ADAMTSL1: variants seen among roughly 807,000 people sequenced by gnomAD.
The protein encoded by ADAMTSL1 is ADAMTS-like protein 1.
A neutral mutation model predicts 201.8 loss-of-function variants in ADAMTSL1; 126 were observed. The ratio of observed to expected loss-of-function variants is 0.62; its 90% CI spans 0.54 to 0.72. The LOEUF (loss-of-function observed/expected upper bound fraction) is 0.72, where lower values mean the gene tolerates loss of function less well. Ranked by LOEUF, ADAMTSL1 falls within the 30% of genes least tolerant of loss-of-function variation. The probability of loss-of-function intolerance (pLI) is 0.00; values close to 1 mark genes in which losing one functional copy is unlikely to be tolerated. For synonymous variants in ADAMTSL1, 1,121 were observed against 903.4 expected, an observed-to-expected ratio of 1.24 and a Z score of -4.32; for missense variants, 2,679 against 2,277.8, an observed-to-expected ratio of 1.18 and a Z score of -3.59.
chr9:18,626,274 A>T (rs1826354584), intron 5 of ADAMTSL1, among the ~76,000 whole-genome samples: 1 of 152,188 alleles, frequency 6.6e-6, no homozygotes, highest in Non-Finnish European at 1.5e-5. Context: ...AGAGCAGGAG[A>T]ACAGGAAATG....
intron 2 of ADAMTSL1, among the ~76,000 whole-genome samples, chr9:18,244,258 G>C (rs1831176622): frequency 6.6e-6 from 1 of 152,016 alleles, no homozygotes; most frequent in Non-Finnish European, 1.5e-5. Flanking sequence ...GTCTGGCACA[G>C]ACTCTCTCAA....
chr9:18,143,001 G>A (rs1177139298), intron 1 of ADAMTSL1, among the ~76,000 whole-genome samples: 1 of 152,190 alleles, frequency 6.6e-6, no homozygotes, highest in Non-Finnish European at 1.5e-5. Context: ...GAATCCAGTA[G>A]GGACTCAGTA....
chr9:18,107,631 G>C (rs1824817243), intron 1 of ADAMTSL1, among the ~76,000 whole-genome samples: 1 of 152,128 alleles, frequency 6.6e-6, no homozygotes, highest in African/African-American at 2.4e-5. Flanking sequence ...TTAGAGACTT[G>C]AAAATAATTT....
intron 2 of ADAMTSL1, among the ~76,000 whole-genome samples, chr9:18,420,005 G>A (rs1016835901): frequency 6.6e-6 from 1 of 152,102 alleles, no homozygotes; most frequent in African/African-American, 2.4e-5. Flanking sequence ...TGGGATTACA[G>A]GTGTGAGCCA....
intron 3 of ADAMTSL1, among the ~76,000 whole-genome samples, chr9:18,535,583 T>G (rs2383075): frequency 0.6 from 91,935 of 152,002 alleles, 28,073 homozygotes; most frequent in East Asian, 0.79. Context: ...CCTGATACCA[T>G]TTTACTGTAT....
intron 4 of ADAMTSL1, among the ~76,000 whole-genome samples, chr9:18,584,068 T>C (rs1050939547): frequency 6.6e-6 from 1 of 152,166 alleles, no homozygotes; most frequent in Non-Finnish European, 1.5e-5. Flanking sequence ...GATTGTAATT[T>C]GCAATATGAG....
Position 18,411,461 on chromosome 9 carries a change from A to G in ADAMTSL1, c.208-93368A>G, listed in dbSNP as rs531292939. ...TGATCCACCCACCTTGGCTTCCCAA[A>G]GTGCTAGGATTATAGGCGTGAGCCG... On this transcript the variant is annotated intron_variant, in intron 2 of 29. Coordinates refer to the ADAMTSL1 transcript ENST00000680146. 2.8e-4 allele frequency among the ~76,000 whole-genome samples: 42 copies of G among 152,266 alleles called. 1 individual carries two copies. In the South Asian group the frequency reaches 5.6e-3, roughly 20 times the overall value.
intron 1 of ADAMTSL1, among the ~76,000 whole-genome samples, chr9:18,153,202 C>T (rs1414898257): frequency 4.6e-5 from 7 of 151,974 alleles, no homozygotes; most frequent in African/African-American, 1.2e-4. Context: ...TTTGAAGAGA[C>T]AACCCAAACA....
intron 2 of ADAMTSL1, among the ~76,000 whole-genome samples, chr9:18,292,715 T>C (rs544477386): frequency 6.6e-6 from 1 of 152,306 alleles, no homozygotes; most frequent in East Asian, 1.9e-4. Flanking sequence ...TTTTGGTCTG[T>C]TGGACTTAAA....
chr9:17,926,366 G>A (rs978931904), intron 1 of ADAMTSL1, among the ~76,000 whole-genome samples: 1 of 152,114 alleles, frequency 6.6e-6, no homozygotes, highest in South Asian at 2.1e-4. Flanking sequence ...AAACACGATG[G>A]TTTAACACCA....
At chr9:18,057,206 G>T (rs1408249114) in intron 1 of ADAMTSL1, among the ~76,000 whole-genome samples, 1 of 152,108 alleles carries the variant, frequency 6.6e-6, no homozygotes, top group Non-Finnish European at 1.5e-5. Context: ...GCCACAAAAA[G>T]AATTACTGTG....
intron 1 of ADAMTSL1, among the ~76,000 whole-genome samples, chr9:18,075,972 C>T (rs79892859): frequency 6.6e-6 from 1 of 152,192 alleles, no homozygotes. Flanking sequence ...TAAACACTCA[C>T]CTAAGTAATA....
chr9:18,486,514 G>A (rs1031805776), intron 1 of ADAMTSL1, among the ~76,000 whole-genome samples: 9 of 152,086 alleles, frequency 5.9e-5, no homozygotes, highest in Admixed American at 4.6e-4. Flanking sequence ...GACCAACCTG[G>A]GCAACATGGC....
At chr9:18,372,164 G>T (rs149156529) in intron 2 of ADAMTSL1, among the ~76,000 whole-genome samples, 14 of 152,130 alleles carry the variant, frequency 9.2e-5, no homozygotes, top group Non-Finnish European at 1.9e-4. Flanking sequence ...TTTGTCTACC[G>T]TACAGCACTT....
At chr9:18,703,305 G>A (rs1280910316) in intron 13 of ADAMTSL1, among the ~76,000 whole-genome samples, 1 of 152,132 alleles carries the variant, frequency 6.6e-6, no homozygotes, top group Non-Finnish European at 1.5e-5. Context: ...GAAAACTCAA[G>A]ATAGTAAATA....
At chr9:18,736,540 T>C (rs1464191603) in intron 15 of ADAMTSL1, among the ~76,000 whole-genome samples, 2 of 152,148 alleles carry the variant, frequency 1.3e-5, no homozygotes, top group African/African-American at 4.8e-5. Flanking sequence ...TCCCTTGATC[T>C]AGAAAAGAAA....
At chr9:18,052,614 G>A (rs532978707) in intron 1 of ADAMTSL1, among the ~76,000 whole-genome samples, 1 of 152,146 alleles carries the variant, frequency 6.6e-6, no homozygotes, top group Admixed American at 6.5e-5. Context: ...GAAATGTGAG[G>A]CCAATAGTAC....
At chr9:18,118,664 T>C (rs189927721) in intron 1 of ADAMTSL1, among the ~76,000 whole-genome samples, 6 of 152,306 alleles carry the variant, frequency 3.9e-5, no homozygotes, top group African/African-American at 1.4e-4. Context: ...AGAATGCAGA[T>C]GGGACAATTT....
At chr9:18,761,069 G>C (rs925493554) in intron 16 of ADAMTSL1, among the ~76,000 whole-genome samples, 1 of 152,198 alleles carries the variant, frequency 6.6e-6, no homozygotes, top group Non-Finnish European at 1.5e-5. Context: ...ATAAATGTTT[G>C]GTGAAAGAAT....
Sources: allele counts gnomAD v4.1 joint callset (sites outside exome capture counted in the v4.1 genomes callset), GRCh38; gene constraint gnomAD v4.1.1; transcripts MANE v1.5; gene names NCBI Gene and HGNC (gene_info 2026-07-23, HGNC 2026-07-21).